The following MAPK6 variants were observed in gnomAD, a reference collection of about 807,000 sequenced individuals.
MAPK6 encodes the protein ERK-3.
MAPK6 carries 19 observed loss-of-function variants against 59.3 expected under a neutral mutation model. The ratio of observed to expected loss-of-function variants is 0.32; its 90% CI spans 0.22 to 0.47. The LOEUF is 0.47. Ranked by LOEUF, MAPK6 falls within the 20% of genes least tolerant of loss-of-function variation. The pLI is 1.00. For missense variants in MAPK6, 724 were observed against 847.9 expected (o/e 0.85, Z 1.81); for synonymous variants, 316 against 290.3 (o/e 1.09, Z -0.90).
intron 2 of MAPK6, among the ~76,000 whole-genome samples, chr15:51,997,590 CT>C (rs747963086): frequency 0.02 from 2,720 of 134,974 alleles, 28 homozygotes; most frequent in African/African-American, 0.039. Context: ...TTCTTTCTTT[CT>C]TTTTTTTTTT....
At chr15:52,018,888 C>G (rs1197208027), upstream of MAPK6, 2 of 152,542 alleles carry the variant, frequency 1.3e-5, no homozygotes. Context: ...AGACTGAGGC[C>G]TCTTCCTCTC....
chr15:51,976,818 C>T (rs978944514), intron 1 of MAPK6, among the ~76,000 whole-genome samples: 1 of 151,520 alleles, frequency 6.6e-6, no homozygotes, highest in Non-Finnish European at 1.5e-5. Context: ...CGGTCGCACT[C>T]CTGTAATCTC....
intron 1 of MAPK6, among the ~76,000 whole-genome samples, chr15:51,982,424 T>C (rs2057177176): frequency 6.6e-6 from 1 of 152,126 alleles, no homozygotes; most frequent in East Asian, 1.9e-4. Context: ...TTAACAGTAA[T>C]ATGGCAAAAG....
intron 1 of MAPK6, among the ~76,000 whole-genome samples, chr15:51,976,664 G>A (rs1235101948): frequency 6.6e-6 from 1 of 151,830 alleles, no homozygotes; most frequent in Admixed American, 6.6e-5. Flanking sequence ...CCTGAAGGAG[G>A]CCGGGTGTGG....
At chr15:51,993,087 A>G (rs1008621644) in intron 2 of MAPK6, among the ~76,000 whole-genome samples, 3 of 152,104 alleles carry the variant, frequency 2.0e-5, no homozygotes, top group African/African-American at 4.8e-5. Context: ...CTCCAATCAC[A>G]TAGTTGGTTC....
intron 2 of MAPK6, among the ~76,000 whole-genome samples, chr15:51,983,467 G>A (rs943543153): frequency 6.2e-5 from 9 of 146,252 alleles, no homozygotes; most frequent in South Asian, 2.4e-4. Context: ...CAACAACAGC[G>A]AAACTCCGTC....
At chr15:51,979,800 A>G (rs997226021) in intron 1 of MAPK6, among the ~76,000 whole-genome samples, 3 of 151,574 alleles carry the variant, frequency 2.0e-5, no homozygotes, top group African/African-American at 7.3e-5. Flanking sequence ...TCTCCAAAAA[A>G]TAAAAGTAAA....
chr15:52,061,544 C>A, intron 5 of MAPK6, 44 bp downstream of exon 5: 1 of 1,410,420 alleles, frequency 7.1e-7, no homozygotes, highest in East Asian at 2.3e-5. Flanking sequence ...ACTGAACTTT[C>A]AGTGGACCAT....
chr15:52,065,715 CTTAGTTT>C lies in MAPK6; in HGVS notation c.*719_*725del, dbSNP rs1273808958. 1 of 146,632 alleles carries C rather than the reference CTTAGTTT, an allele frequency of 6.8e-6. No homozygotes were observed. Among genetic ancestry groups the C allele is most frequent in the Non-Finnish European group, 1.5e-5 (1 of 66,638 alleles). The allele number at this position is 146,632 out of a possible 1,614,324, so 9.1% of individuals were successfully genotyped here. On this transcript the variant is annotated 3_prime_UTR_variant, in exon 6 of 6. Transcript: ENST00000261845. ...TCTGTATTTAATTATAAAAAATTAA[CTTAGTTT>C]TTAAAATTTATTTGCAAATATACTT...
intron 1 of MAPK6, among the ~76,000 whole-genome samples, chr15:52,025,517 T>C (rs2030736045): frequency 6.6e-6 from 1 of 152,218 alleles, no homozygotes; most frequent in Middle Eastern, 3.2e-3. Flanking sequence ...CTTTAAATAG[T>C]TGGGGCTGGG....
intron 2 of MAPK6, among the ~76,000 whole-genome samples, chr15:51,992,855 G>A (rs2057214043): frequency 6.6e-6 from 1 of 152,180 alleles, no homozygotes; most frequent in East Asian, 1.9e-4. Flanking sequence ...GGAAGAAGGG[G>A]TGTAGGACTT....
intron 1 of MAPK6, among the ~76,000 whole-genome samples, chr15:52,034,482 G>C (rs1280648162): frequency 2.0e-5 from 3 of 151,694 alleles, no homozygotes; most frequent in Non-Finnish European, 2.9e-5. Context: ...GCTCATTTTT[G>C]TGTTTTTTGT....
At chr15:52,024,919 CTG>C (rs1005452689) in intron 1 of MAPK6, among the ~76,000 whole-genome samples, 1 of 132,426 alleles carries the variant, frequency 7.6e-6, no homozygotes, top group African/African-American at 2.8e-5. Flanking sequence ...TGGAGTCTCA[CTG>C]TGTTGCCCAT....
chr15:52,002,677 C>T (rs1436385255), intron 2 of MAPK6, among the ~76,000 whole-genome samples: 1 of 152,062 alleles, frequency 6.6e-6, no homozygotes, highest in East Asian at 1.9e-4. Flanking sequence ...AATAGCTAGG[C>T]CTTTTGTATT....
chr15:52,030,789 G>A lies in MAPK6; in HGVS notation c.-632+11413G>A, dbSNP rs1282773292. On this transcript the variant is annotated intron_variant, in intron 1 of 5. Transcript: ENST00000261845. ...CTACAGGCGTGTGCCACCATGCCCAGCTAATTTTTTTTTTTTTTTTGAGAC... is the reference window on the plus strand; with the variant it reads ...CTACAGGCGTGTGCCACCATGCCCAACTAATTTTTTTTTTTTTTTTGAGAC... 2.0e-5 allele frequency among the ~76,000 whole-genome samples: 3 copies of A among 150,330 alleles called. No individual in the cohort carries two copies. In the East Asian group the frequency reaches 5.8e-4, roughly 29 times the overall value.
intron 1 of MAPK6, among the ~76,000 whole-genome samples, chr15:52,036,419 C>T (rs2031243976): frequency 6.6e-6 from 1 of 152,124 alleles, no homozygotes; most frequent in Non-Finnish European, 1.5e-5. Context: ...GGAGGCTTGG[C>T]AGTCTGATAC....
At chr15:51,997,263 C>A (rs985247510) in intron 2 of MAPK6, among the ~76,000 whole-genome samples, 4 of 150,462 alleles carry the variant, frequency 2.7e-5, no homozygotes, top group African/African-American at 9.9e-5. Context: ...TACAGTGAGC[C>A]ACTGTGCCTA....
chr15:52,013,055 ATATATT>A (rs1330936901), intron 3 of MAPK6, among the ~76,000 whole-genome samples: 1 of 127,242 alleles, frequency 7.9e-6, no homozygotes, highest in Admixed American at 8.2e-5. Flanking sequence ...ATATATATAT[ATATATT>A]ACACAAGACT....
chr15:52,042,081 GA>G (rs2031439967), intron 1 of MAPK6, among the ~76,000 whole-genome samples: 1 of 152,178 alleles, frequency 6.6e-6, no homozygotes, highest in East Asian at 1.9e-4. Flanking sequence ...TCCACTGTAT[GA>G]TATAGAGGTA....
Sources: allele counts gnomAD v4.1 joint callset (sites outside exome capture counted in the v4.1 genomes callset), GRCh38; gene constraint gnomAD v4.1.1; transcripts MANE v1.5; gene names NCBI Gene and HGNC (gene_info 2026-07-23, HGNC 2026-07-21).